Variants in CFAP52 observed in about 807,000 individuals in gnomAD.
The protein encoded by CFAP52 is cilia- and flagella-associated protein 52.
CFAP52 carries 57 observed loss-of-function variants against 70.5 expected under a neutral mutation model. The ratio of observed to expected loss-of-function variants is 0.81; its 90% CI spans 0.65 to 1.01. The LOEUF (loss-of-function observed/expected upper bound fraction) is 1.01, where lower values mean the gene tolerates loss of function less well. CFAP52 is among the 50% of genes least tolerant of loss of function. CFAP52 has a pLI of 0.00. For synonymous variants in CFAP52, 267 were observed against 292.5 expected (o/e 0.91, Z 0.89); for missense variants, 785 against 788.5 (o/e 1.00, Z 0.05).
At chr17:9,605,366 C>G (rs1164207410) in intron 6 of CFAP52, among the ~76,000 whole-genome samples, 2 of 152,104 alleles carry the variant, frequency 1.3e-5, no homozygotes, top group Non-Finnish European at 2.9e-5. Flanking sequence ...AGACTGCACA[C>G]CATTTGATTC....
At chr17:9,579,357 AG>A (rs1908111502) in intron 1 of CFAP52, among the ~76,000 whole-genome samples, 1 of 152,080 alleles carries the variant, frequency 6.6e-6, no homozygotes, top group African/African-American at 2.4e-5. Context: ...TGGAGAGTGC[AG>A]GGCCTGGTTG....
chr17:9,643,539 A>G (rs1911186656), downstream of CFAP52: 2 of 168,122 alleles, frequency 1.2e-5, no homozygotes, highest in Admixed American at 6.4e-5. Context: ...ATCCTCTAAA[A>G]ATAAGGTGAG....
chr17:9,641,814 G>A lies in CFAP52; in HGVS notation c.1666G>A (p.Glu556Lys). 1 of 1,613,890 alleles carries A rather than the reference G, an allele frequency of 6.2e-7. No individual in the cohort carries two copies. The highest frequency in any genetic ancestry group is 1.3e-5 in the African/African-American group (1 of 75,054). Residue 556 changes from glutamate (E) to lysine (K), a missense_variant, in exon 13 of 14, where the codon GAA becomes AAA. Glu to Lys is a moderately conservative substitution (Grantham distance 56). Coordinates refer to ENST00000352665, the MANE Select transcript of CFAP52 (RefSeq NM_145054.5). ...GATAAATGGCATGGATATCACACAGGAAGGGGTGCACTTTGTCACAGGTTA... is the reference window on the plus strand; with the variant it reads ...GATAAATGGCATGGATATCACACAGAAAGGGGTGCACTTTGTCACAGGTTA... ...GSINGMDITQ[E>K]GVHFVTGGND...
intron 8 of CFAP52, among the ~76,000 whole-genome samples, chr17:9,623,079 C>G (rs1285116736): frequency 6.6e-6 from 1 of 152,094 alleles, no homozygotes; most frequent in Non-Finnish European, 1.5e-5. Flanking sequence ...TAGAGTTCCA[C>G]CTTTATTTCT....
At chr17:9,603,911 A>G (rs994924611) in intron 6 of CFAP52, among the ~76,000 whole-genome samples, 2 of 152,228 alleles carry the variant, frequency 1.3e-5, no homozygotes, top group Non-Finnish European at 2.9e-5. Flanking sequence ...AAGACTTACC[A>G]TAAAACTACA....
At chr17:9,597,974 C>T (rs893875702) in intron 4 of CFAP52, among the ~76,000 whole-genome samples, 19 of 152,216 alleles carry the variant, frequency 1.2e-4, no homozygotes, top group African/African-American at 4.6e-4. Context: ...GGGTAGTGTG[C>T]ACTTCAGAGT....
At chr17:9,601,281 A>G in intron 6 of CFAP52, among the ~76,000 whole-genome samples, 1 of 112,562 alleles carries the variant, frequency 8.9e-6, no homozygotes, top group African/African-American at 3.4e-5. Flanking sequence ...GGGAGGGGGG[A>G]GGGATAGCAT....
At chr17:9,592,976 T>C (rs937250196) in intron 3 of CFAP52, among the ~76,000 whole-genome samples, 1 of 152,224 alleles carries the variant, frequency 6.6e-6, no homozygotes, top group South Asian at 2.1e-4. Context: ...ATGGTATCTG[T>C]TAATGTCCCA....
At chr17:9,586,088 T>C (rs1908460123) in intron 2 of CFAP52, 116 bp downstream of exon 2, 2 of 1,095,050 alleles carry the variant, frequency 1.8e-6, no homozygotes, top group East Asian at 2.5e-5. Context: ...TTCCTTCTTC[T>C]TCTTTTTGAC....
chr17:9,593,121 G>A (rs1431885350), intron 3 of CFAP52, among the ~76,000 whole-genome samples: 1 of 152,102 alleles, frequency 6.6e-6, no homozygotes, highest in African/African-American at 2.4e-5. Context: ...ATATAGTTAG[G>A]TATGTTTTTA....
At chr17:9,585,539 CGGGT>C in intron 1 of CFAP52, among the ~76,000 whole-genome samples, 1 of 152,100 alleles carries the variant, frequency 6.6e-6, no homozygotes, top group East Asian at 1.9e-4. Context: ...GGTGTGGTGG[CGGGT>C]GCCTGTAATC....
intron 6 of CFAP52, 137 bp from the exon 7 acceptor site, chr17:9,607,982 T>C: frequency 1.7e-6 from 1 of 603,778 alleles, no homozygotes; most frequent in East Asian, 2.9e-5. Flanking sequence ...CTTTTTTCTT[T>C]TTTTCATTAA....
chr17:9,612,477 A>G lies in CFAP52; in HGVS notation c.1023A>G (p.Pro341=). Reference sequence around the variant, plus strand: ...ATGCTGTCGAGGATATTGTCTTTCCATTGTGAGTAGAAGAGAAAAACAAGA... The same window carrying G: ...ATGCTGTCGAGGATATTGTCTTTCCGTTGTGAGTAGAAGAGAAAAACAAGA... ...HFDAVEDIVF[P]FGTAELFATC... The change falls in exon 8 of 14, where the codon CCA becomes CCG. Residue 341 remains proline, a splice_region_variant and synonymous_variant. Transcript: ENST00000352665. 6.2e-7 allele frequency: 1 copy of G among 1,613,376 alleles called. No individual in the cohort carries two copies. Among genetic ancestry groups the G allele is most frequent in the South Asian group, 1.1e-5 (1 of 91,040 alleles).
At chr17:9,584,418 G>A (rs1908357345) in intron 1 of CFAP52, 1 of 1,251,092 alleles carries the variant, frequency 8.0e-7, no homozygotes, top group African/African-American at 1.6e-5. Context: ...TTATTTTCCT[G>A]GTTATATTGA....
chr17:9,594,924 T>C (rs1283582005), intron 4 of CFAP52, among the ~76,000 whole-genome samples: 1 of 146,266 alleles, frequency 6.8e-6, no homozygotes, highest in African/African-American at 2.5e-5. Context: ...AGTGTTTTGC[T>C]GTGTCACCCA....
At chr17:9,588,929 G>T (rs143968723) in intron 3 of CFAP52, among the ~76,000 whole-genome samples, 1 of 151,646 alleles carries the variant, frequency 6.6e-6, no homozygotes, top group Admixed American at 6.6e-5. Context: ...CTAGTGAAAC[G>T]CTGTCTCTAC....
chr17:9,638,187 C>T lies in CFAP52; in HGVS notation c.1473-422C>T, dbSNP rs144391287. Among the ~76,000 whole-genome samples, 35 of 152,250 alleles carry T rather than the reference C, an allele frequency of 2.3e-4. 1 individual carries two copies. In the East Asian group the frequency reaches 6.4e-3, roughly 28 times the overall value. ...TTAAAACATAAACAAAATAAAATAC[C>T]CTTCCCCACATTCTGCTTCTCAGAC... is the stretch of plus-strand genomic sequence containing the variant. On this transcript the variant is annotated intron_variant, in intron 11 of 13. Coordinates refer to ENST00000352665, the MANE Select transcript of CFAP52 (RefSeq NM_145054.5).
In CFAP52 at chr17:9,612,392, A is replaced by G. The variant is rs1597784275; in HGVS notation, c.938A>G (p.His313Arg). Residue 313 changes from histidine (H) to arginine (R), a missense_variant, in exon 8 of 14, where the codon CAC (histidine) becomes CGC (arginine). By Grantham distance (29) the His-to-Arg change is conservative. Coordinates refer to ENST00000352665, the MANE Select transcript of CFAP52 (RefSeq NM_145054.5). ...TTTCTCGTAGGAACAGAAGAATCGC[A>G]CATTTATCGTGTCAGCTTCACGGAT... The part of the protein sequence containing the change: ...HQFLVGTEES[H>R]IYRVSFTDFK... 6.2e-7 allele frequency: 1 copy of G among 1,614,220 alleles called. No homozygotes were observed. Among genetic ancestry groups the G allele is most frequent in the Non-Finnish European group, 8.5e-7 (1 of 1,180,026 alleles).
chr17:9,638,873 T>G (rs1426035424), intron 12 of CFAP52, 162 bp downstream of exon 12: 3 of 635,068 alleles, frequency 4.7e-6, no homozygotes, highest in Non-Finnish European at 8.3e-6. Context: ...CACCTTCCAG[T>G]GTCTTCACTT....
Sources: gnomAD v4.1 joint callset for allele counts (sites outside exome capture counted in the v4.1 genomes callset) on GRCh38, gnomAD v4.1.1 for gene constraint, MANE v1.5 for transcripts, NCBI Gene and HGNC (gene_info 2026-07-23, HGNC 2026-07-21) for gene names.